The following CDCA8 variants were observed in gnomAD, a reference collection of about 807,000 sequenced individuals.
The protein encoded by CDCA8 is borealin.
In CDCA8, 25 loss-of-function variants were observed where a neutral mutation model predicts 40.0. The ratio of observed to expected loss-of-function variants is 0.63; its 90% CI spans 0.46 to 0.87. The LOEUF is 0.87. Ranked by LOEUF, CDCA8 falls within the 40% of genes least tolerant of loss-of-function variation. CDCA8 has a pLI of 0.00. For synonymous variants in CDCA8, 111 were observed against 126.5 expected (o/e 0.88, Z 0.82); for missense variants, 280 against 348.4 (o/e 0.80, Z 1.56).
chr1:37,706,280 G>A (rs894194071), intron 8 of CDCA8, among the ~76,000 whole-genome samples: 4 of 152,036 alleles, frequency 2.6e-5, no homozygotes, highest in Admixed American at 2.0e-4. Context: ...GCTAATTTTT[G>A]TATTTTTAGT....
chr1:37,693,134 T>TCTGACATG, intron 2 of CDCA8, 101 bp downstream of exon 2: 1 of 954,912 alleles, frequency 1.0e-6, no homozygotes, highest in Admixed American at 2.5e-5. Context: ...TTTAATGAGA[T>TCTGACATG]CTGACATGAC....
chr1:37,703,227 C>T (rs886455913), intron 6 of CDCA8, 25 bp from the exon 7 acceptor site: 1 of 1,572,710 alleles, frequency 6.4e-7, no homozygotes, highest in Non-Finnish European at 8.7e-7. Flanking sequence ...AGTTGGCATA[C>T]CTGATGGCCA....
chr1:37,701,685 A>AC (rs1307374997), intron 5 of CDCA8, 69 bp from the exon 6 acceptor site: 60 of 1,044,130 alleles, frequency 5.7e-5, no homozygotes, highest in South Asian at 5.7e-4. Context: ...AAAAAAAAAA[A>AC]AAAACCCTCC....
At chr1:37,699,113 C>G in intron 4 of CDCA8, 136 bp downstream of exon 4, 1 of 620,312 alleles carries the variant, frequency 1.6e-6, no homozygotes. Context: ...AATCCAAAAA[C>G]TTGCTTTTGG....
In CDCA8 at chr1:37,692,636, G is replaced by A; in HGVS notation, c.-55G>A. ...CGTCCGCCCTCCTCGTCCCTACCCA[G>A]TTTCTTGCTTCCCTGCCCCATCTCC... is the stretch of plus-strand genomic sequence containing the variant. On this transcript the variant is annotated 5_prime_UTR_variant, in exon 1 of 10. Transcript: ENST00000373055. 6.9e-7 allele frequency: 1 copy of A among 1,443,286 alleles called. No homozygotes were observed. Among genetic ancestry groups the A allele is most frequent in the South Asian group, 1.2e-5 (1 of 85,490 alleles). The allele number at this position is 1,443,286 out of a possible 1,614,324, so 89.4% of individuals were successfully genotyped here. A position where few individuals can be genotyped will look rare whatever the true frequency, so the allele number is the denominator to read the frequency against.
At position 37,705,432 on chromosome 1, in the gene CDCA8, C is replaced by T; in HGVS notation, c.585-9C>T. ...CCAAGCTATCTTCACAGAGATTTTC[C>T]CATTCTAGGGTCTTCAAGACCCCTG... On this transcript the variant is annotated splice_polypyrimidine_tract_variant and intron_variant, in intron 7 of 9. Transcript: ENST00000373055. 2 of 1,610,770 alleles carry T rather than the reference C, an allele frequency of 1.2e-6. No homozygotes were observed. Among genetic ancestry groups the T allele is most frequent in the Non-Finnish European group, 1.7e-6 (2 of 1,177,266 alleles).
In CDCA8 at chr1:37,692,927, T is replaced by C; in HGVS notation, c.117T>C (p.Ile39=). The C allele has an allele frequency of 6.2e-7, 1 of 1,614,038 alleles. No homozygotes were observed. The part of the protein sequence containing the change: ...DREVEIRIKQ[I]ESDRQNLLKE... ...CAGTGGAAATACGAATCAAGCAAAT[T>C]GAGTCAGACAGGCAGAACCTCCTCA... Residue 39 remains isoleucine, a synonymous_variant, in exon 2 of 10, where the codon ATT becomes ATC. Coordinates refer to ENST00000373055, the MANE Select transcript of CDCA8 (RefSeq NM_001256875.2).
Position 37,709,277 on chromosome 1 carries a change from A to C in CDCA8, c.*911A>C, listed in dbSNP as rs1296274614. ...TCCCTGCCAAGTCTGTAGACTTCAG[A>C]GAGCACTTCTCTCTTATGGGGTTCA... On this transcript the variant is annotated 3_prime_UTR_variant, in exon 10 of 10. Coordinates refer to ENST00000373055, the MANE Select transcript of CDCA8 (RefSeq NM_001256875.2). 3 of 152,330 alleles carry C rather than the reference A, an allele frequency of 2.0e-5. No homozygotes were observed. Among genetic ancestry groups the C allele is most frequent in the South Asian group, 4.1e-4 (2 of 4,828 alleles). 9.4% of individuals were successfully genotyped at this position (152,330 alleles called of 1,614,324 possible).
intron 2 of CDCA8, among the ~76,000 whole-genome samples, chr1:37,695,421 A>C (rs928260592): frequency 2.0e-4 from 27 of 136,164 alleles, no homozygotes; most frequent in Admixed American, 1.9e-3. Flanking sequence ...GCGAAACCCT[A>C]TCTCTACAAA....
At position 37,708,701 on chromosome 1, in the gene CDCA8, A is replaced by G; in HGVS notation, c.*335A>G. 1 of 351,068 alleles carries G rather than the reference A, an allele frequency of 2.8e-6. No homozygotes were observed. Among genetic ancestry groups the G allele is most frequent in the African/African-American group, 2.1e-5 (1 of 48,374 alleles). The allele number at this position is 351,068 out of a possible 1,614,324, so 21.7% of individuals were successfully genotyped here. A position where few individuals can be genotyped will look rare whatever the true frequency, so the allele number is the denominator to read the frequency against. ...CTTCACCCTGCCCTGCCTGCAGTTG[A>G]GGGGGCGAAGAAGAACCCTGTGTTC... On this transcript the variant is annotated 3_prime_UTR_variant, in exon 10 of 10. Transcript: ENST00000373055.
At chr1:37,703,385 C>G (rs749627233) in intron 7 of CDCA8, 38 bp downstream of exon 7, 2 of 1,407,362 alleles carry the variant, frequency 1.4e-6, no homozygotes, top group Non-Finnish European at 1.0e-6. Context: ...TGATGGGACT[C>G]CAACATTGAG....
chr1:37,705,671 C>G (rs533412364), intron 8 of CDCA8, 104 bp downstream of exon 8: 1 of 1,358,634 alleles, frequency 7.4e-7, no homozygotes, highest in Non-Finnish European at 1.0e-6. Flanking sequence ...CCTTTCAGTG[C>G]GTGGGTCCTG....
In CDCA8 at chr1:37,705,619, T is replaced by C. The variant is rs758152607; in HGVS notation, c.711+52T>C. 4 of 1,598,060 alleles carry C rather than the reference T, an allele frequency of 2.5e-6. No individual in the cohort carries two copies. The East Asian group carries it at 6.7e-5, about 27-fold the overall frequency. On this transcript the variant is annotated intron_variant, in intron 8 of 9. Transcript: ENST00000373055. ...CCACAGTGTGCTGCTTAGTCAAGCA[T>C]TTCTTTTCCCTGGGCCCTCACCCAC...
intron 7 of CDCA8, among the ~76,000 whole-genome samples, 154 bp downstream of exon 7, chr1:37,703,501 A>C (rs1645579165): frequency 6.6e-6 from 1 of 152,192 alleles, no homozygotes; most frequent in Non-Finnish European, 1.5e-5. Flanking sequence ...GGATCACTTG[A>C]GGTCAGGAGT....
Position 37,703,413 on chromosome 1 carries a change from G to T in CDCA8, c.584+66G>T, listed in dbSNP as rs1380909694. On this transcript the variant is annotated intron_variant, in intron 7 of 9. Transcript: ENST00000373055. ...ACATTGAGCACTACCCAGAGAAGGA[G>T]TGTCTAAGAAAATACTCCTAGGCCA... The T allele has an allele frequency of 2.0e-5, 24 of 1,218,194 alleles. 1 individual carries two copies. In the East Asian group the frequency reaches 4.4e-4, roughly 22 times the overall value. 75.5% of individuals were successfully genotyped at this position (1,218,194 alleles called of 1,614,324 possible). A position where few individuals can be genotyped will look rare whatever the true frequency, so the allele number is the denominator to read the frequency against.
intron 6 of CDCA8, among the ~76,000 whole-genome samples, chr1:37,702,072 A>G (rs1645568853): frequency 7.1e-6 from 1 of 141,004 alleles, no homozygotes; most frequent in Non-Finnish European, 1.5e-5. Context: ...CGGAGTTTCA[A>G]TCTCGTTGGC....
intron 8 of CDCA8, among the ~76,000 whole-genome samples, chr1:37,705,806 G>A (rs1000915742): frequency 4.2e-5 from 6 of 142,092 alleles, no homozygotes; most frequent in African/African-American, 1.6e-4. Context: ...TTTGTTTTTT[G>A]TGGGTTTTTT....
chr1:37,692,855 C>T (rs757755403), intron 1 of CDCA8, 50 bp from the exon 2 acceptor site: 26 of 1,612,910 alleles, frequency 1.6e-5, no homozygotes, highest in Non-Finnish European at 2.1e-5. Flanking sequence ...ACGAGCTGCA[C>T]AGATTCGCCC....
In CDCA8 at chr1:37,692,929, A is replaced by T. The variant is rs2148283256; in HGVS notation, c.119A>T (p.Glu40Val). ...GTGGAAATACGAATCAAGCAAATTG[A>T]GTCAGACAGGCAGAACCTCCTCAAG... The part of the protein sequence containing the change: ...REVEIRIKQI[E>V]SDRQNLLKEV... Residue 40 changes from glutamate (E) to valine (V), a missense_variant, in exon 2 of 10, where the codon GAG becomes GTG. Physicochemically the swap from Glu to Val is moderately radical, Grantham distance 121. Coordinates refer to ENST00000373055, the MANE Select transcript of CDCA8 (RefSeq NM_001256875.2). 6.2e-7 allele frequency: 1 copy of T among 1,614,084 alleles called. No individual in the cohort carries two copies. The highest frequency in any genetic ancestry group is 1.3e-5 in the African/African-American group (1 of 75,026).
Sources: allele counts gnomAD v4.1 joint callset (sites outside exome capture counted in the v4.1 genomes callset), GRCh38; gene constraint gnomAD v4.1.1; transcripts MANE v1.5; gene names NCBI Gene and HGNC (gene_info 2026-07-23, HGNC 2026-07-21).